Variants in GPD1 observed in about 807,000 individuals in gnomAD.
GPD1 encodes glycerol-3-phosphate dehydrogenase 1.
A neutral mutation model predicts 34.4 loss-of-function variants in GPD1; 19 were observed. That is an observed-to-expected ratio of 0.55 (90% confidence interval 0.39 to 0.81). The LOEUF (loss-of-function observed/expected upper bound fraction) is 0.81, where lower values mean the gene tolerates loss of function less well. Ranked by LOEUF, GPD1 falls within the 30% of genes least tolerant of loss-of-function variation. The pLI is 0.00. For synonymous variants in GPD1, 172 were observed against 174.1 expected, an observed-to-expected ratio of 0.99 and a Z score of 0.09; for missense variants, 429 against 447.0, an observed-to-expected ratio of 0.96 and a Z score of 0.36.
rs1057000807 is a variant in GPD1 at position 50,104,243 on chromosome 12, C to T, written c.41+152C>T. The T allele has an allele frequency of 5.0e-6, 4 of 794,352 alleles. No homozygotes were observed. In the East Asian group the frequency reaches 7.8e-5, roughly 16 times the overall value. 49.2% of individuals were successfully genotyped at this position (794,352 alleles called of 1,614,324 possible). A position where few individuals can be genotyped will look rare whatever the true frequency, so the allele number is the denominator to read the frequency against. Reference sequence around the variant, plus strand: ...GCAGCACAGGACAGACGGTGCCCGGCCCTCTCCTGACCCCCGCCCTCCTGG... The same window carrying T: ...GCAGCACAGGACAGACGGTGCCCGGTCCTCTCCTGACCCCCGCCCTCCTGG... On this transcript the variant is annotated intron_variant, in intron 1 of 7. Coordinates refer to ENST00000301149, the MANE Select transcript of GPD1 (RefSeq NM_005276.4).
At chr12:50,108,171 G>A in intron 7 of GPD1, 41 bp downstream of exon 7, 1 of 1,108,214 alleles carries the variant, frequency 9.0e-7, no homozygotes, top group Non-Finnish European at 1.4e-6. Flanking sequence ...GGGAGCCACA[G>A]CCAGAAGTGC....
chr12:50,109,205 AG>A lies in GPD1; in HGVS notation c.954-216del, dbSNP rs369871869. On this transcript the variant is annotated intron_variant, in intron 7 of 7. Transcript: ENST00000301149. Reference sequence around the variant, plus strand: ...GAAAATCCAAGCCAGAGAATCATGCAGGCCAGTTCAACATGGTAGGGAGCAG... The same window carrying A: ...GAAAATCCAAGCCAGAGAATCATGCAGCCAGTTCAACATGGTAGGGAGCAG... 2.9e-4 allele frequency among the ~76,000 whole-genome samples: 44 copies of A among 151,630 alleles called. 1 individual carries two copies. The South Asian group carries it at 5.0e-3, about 17-fold the overall frequency.
rs1951017965 is a variant in GPD1, at chr12:50,110,912, G to GC, written c.*1396dup. Reference sequence around the variant, plus strand: ...CCTCCAGCTATAAATAGTCCGGAGGGCCCGAGAGGCTCCCGCCCGTCCAGC... The same window carrying GC: ...CCTCCAGCTATAAATAGTCCGGAGGGCCCCGAGAGGCTCCCGCCCGTCCAGC... On this transcript the variant is annotated 3_prime_UTR_variant, in exon 8 of 8. Coordinates refer to ENST00000301149, the MANE Select transcript of GPD1 (RefSeq NM_005276.4). 6.5e-6 allele frequency: 1 copy of GC among 152,848 alleles called. No homozygotes were observed. Among genetic ancestry groups the GC allele is most frequent in the African/African-American group, 2.4e-5 (1 of 41,560 alleles). 9.5% of individuals were successfully genotyped at this position (152,848 alleles called of 1,614,324 possible). A position where few individuals can be genotyped will look rare whatever the true frequency, so the allele number is the denominator to read the frequency against.
intron 6 of GPD1, 54 bp from the exon 7 acceptor site, chr12:50,107,970 C>T: frequency 1.7e-6 from 2 of 1,209,062 alleles, no homozygotes; most frequent in Non-Finnish European, 2.4e-6. Context: ...TCTCCACCCC[C>T]TACTGACAAC....
rs1951006715 is a variant in GPD1 at position 50,109,433 on chromosome 12, T to G, written c.964T>G (p.Phe322Val). 6.4e-7 allele frequency: 1 copy of G among 1,554,160 alleles called. No individual in the cohort carries two copies. Among genetic ancestry groups the G allele is most frequent in the Admixed American group, 1.7e-5 (1 of 59,940 alleles). Residue 322 changes from phenylalanine to valine, a missense_variant, in exon 8 of 8, where the codon TTC becomes GTC. Physicochemically the swap from Phe to Val is conservative, Grantham distance 50 (BLOSUM62 -1). Coordinates refer to ENST00000301149, the MANE Select transcript of GPD1 (RefSeq NM_005276.4). ...HKGLVDKFPL[F>V]MAVYKVCYEG... is the part of the protein sequence containing the mutation. ...CCCTCTCCAATCTAGGTTTCCCTTG[T>G]TCATGGCTGTGTACAAGGTGTGCTA...
intron 7 of GPD1, among the ~76,000 whole-genome samples, chr12:50,108,810 C>T (rs1951001198): frequency 6.6e-6 from 1 of 152,162 alleles, no homozygotes; most frequent in Non-Finnish European, 1.5e-5. Context: ...CCCCATTTTA[C>T]AGTTGGTGAC....
intron 2 of GPD1, chr12:50,105,311 A>T: frequency 1.8e-6 from 1 of 564,140 alleles, no homozygotes; most frequent in South Asian, 2.2e-5. Flanking sequence ...GAGTGCTGGG[A>T]TGAGGTTTCC....
At chr12:50,105,486 T>C in intron 2 of GPD1, 62 bp from the exon 3 acceptor site, 4 of 1,553,548 alleles carry the variant, frequency 2.6e-6, no homozygotes, top group Non-Finnish European at 3.5e-6. Context: ...ATCTCCTGAA[T>C]AGGGTTCCAC....
In GPD1 at chr12:50,106,541, G is replaced by C; in HGVS notation, c.499+115G>C. On this transcript the variant is annotated intron_variant, in intron 4 of 7. Coordinates refer to ENST00000301149, the MANE Select transcript of GPD1 (RefSeq NM_005276.4). ...ATAAGGCAGAGAAAGGAAAATACAA[G>C]CATCAGAGGTGAAGGAGGCTGGGAC... 4.8e-6 allele frequency: 5 copies of C among 1,051,284 alleles called. No homozygotes were observed. The South Asian group carries it at 7.1e-5, about 15-fold the overall frequency. The allele number at this position is 1,051,284 out of a possible 1,614,324, so 65.1% of individuals were successfully genotyped here. A position where few individuals can be genotyped will look rare whatever the true frequency, so the allele number is the denominator to read the frequency against.
rs754998255 is a variant in GPD1 at position 50,109,548 on chromosome 12, T to G, written c.*29T>G. On this transcript the variant is annotated 3_prime_UTR_variant, in exon 8 of 8. Coordinates refer to ENST00000301149, the MANE Select transcript of GPD1 (RefSeq NM_005276.4). ...GGGCCAGGGCCCAGGCCAGGCCGCT[T>G]TTTTACCCCAGTGGAGACCAGCAGA... is the stretch of plus-strand genomic sequence containing the variant. 2 of 1,122,800 alleles carry G rather than the reference T, an allele frequency of 1.8e-6. No homozygotes were observed. The highest frequency in any genetic ancestry group is 1.7e-5 in the Admixed American group (1 of 59,378). 69.6% of individuals were successfully genotyped at this position (1,122,800 alleles called of 1,614,324 possible). A position where few individuals can be genotyped will look rare whatever the true frequency, so the allele number is the denominator to read the frequency against.
chr12:50,107,151 C>T (rs1340084079), intron 5 of GPD1: 11 of 676,482 alleles, frequency 1.6e-5, no homozygotes, highest in Admixed American at 6.1e-5. Context: ...ATTTTAGCCC[C>T]GTGTGGGACT....
At chr12:50,108,350 CACTACATT>C (rs1950998407) in intron 7 of GPD1, among the ~76,000 whole-genome samples, 1 of 152,184 alleles carries the variant, frequency 6.6e-6, no homozygotes, top group Admixed American at 6.5e-5. Context: ...GTGCTCTTCA[CACTACATT>C]ACCTGGATCC....
chr12:50,107,952 C>A, intron 6 of GPD1, 72 bp from the exon 7 acceptor site: 1 of 1,062,486 alleles, frequency 9.4e-7, no homozygotes, highest in Non-Finnish European at 1.4e-6. Context: ...CCCATCTGAG[C>A]TCCAGTCTCT....
rs1950972502 is a variant in GPD1 at position 50,105,634 on chromosome 12, T to C, written c.306T>C (p.Cys102=). Residue 102 remains cysteine, a synonymous_variant, in exon 3 of 8, where the codon TGT becomes TGC. Transcript: ENST00000301149. ...VVPHQFIGKI[C]DQLKGHLKAN... ...CCCATCAGTTCATCGGCAAGATCTGTGACCAGCTCAAGGGCCATCTGAAGG... is the reference window on the plus strand; with the variant it reads ...CCCATCAGTTCATCGGCAAGATCTGCGACCAGCTCAAGGGCCATCTGAAGG... The C allele has an allele frequency of 6.2e-7, 1 of 1,614,032 alleles. No homozygotes were observed. The highest frequency in any genetic ancestry group is 8.5e-7 in the Non-Finnish European group (1 of 1,180,012).
chr12:50,106,243 G>C, intron 3 of GPD1, 45 bp from the exon 4 acceptor site: 1 of 1,537,738 alleles, frequency 6.5e-7, no homozygotes, highest in Non-Finnish European at 8.7e-7. Context: ...GAAGCCCGCA[G>C]GTGGGCCCAA....
chr12:50,105,782 C>A (rs556148805), intron 3 of GPD1, 94 bp downstream of exon 3: 1 of 1,284,756 alleles, frequency 7.8e-7, no homozygotes, highest in Non-Finnish European at 1.1e-6. Context: ...AAATGGCAGA[C>A]GCAGGCCAAG....
chr12:50,106,474 C>T, intron 4 of GPD1, 48 bp downstream of exon 4: 1 of 1,545,074 alleles, frequency 6.5e-7, no homozygotes, highest in Non-Finnish European at 8.9e-7. Flanking sequence ...AGTTGCATCC[C>T]CTCCCCAAAC....
chr12:50,108,464 G>C (rs1169164345), intron 7 of GPD1, among the ~76,000 whole-genome samples: 1 of 152,140 alleles, frequency 6.6e-6, no homozygotes, highest in Non-Finnish European at 1.5e-5. Context: ...CCCCTAGTTT[G>C]AGTCTCTTCC....
Position 50,104,172 on chromosome 12 carries a change from A to G in GPD1, c.41+81A>G, listed in dbSNP as rs553928905. 529 of 1,294,086 alleles carry G rather than the reference A, an allele frequency of 4.1e-4. 8 individuals are homozygous for G. In the South Asian group the frequency reaches 5.3e-3, roughly 13 times the overall value. The allele number at this position is 1,294,086 out of a possible 1,614,324, so 80.2% of individuals were successfully genotyped here. On this transcript the variant is annotated intron_variant, in intron 1 of 7. Coordinates refer to ENST00000301149, the MANE Select transcript of GPD1 (RefSeq NM_005276.4). ...GGGTAGGAGGCAGAATGGGTGGGAA[A>G]GGCCCTCAGGTTCCTGTTCAGCCCC...
Sources: gnomAD v4.1 joint callset for allele counts (sites outside exome capture counted in the v4.1 genomes callset) on GRCh38, gnomAD v4.1.1 for gene constraint, MANE v1.5 for transcripts, NCBI Gene and HGNC (gene_info 2026-07-23, HGNC 2026-07-21) for gene names.